The following SDK1 variants were observed in gnomAD, a reference collection of about 807,000 sequenced individuals.
SDK1 encodes the protein protein sidekick-1.
A neutral mutation model predicts 245.5 loss-of-function variants in SDK1; 157 were observed. The ratio of observed to expected loss-of-function variants is 0.64; its 90% CI spans 0.56 to 0.73. SDK1 has a LOEUF of 0.73. SDK1 is among the 30% of genes least tolerant of loss of function. The pLI, the probability that SDK1 is intolerant of heterozygous loss-of-function variation, is 0.00. For synonymous variants in SDK1, 1,647 were observed against 1,278.5 expected (o/e 1.29, Z -6.15); for missense variants, 3,583 against 3,002.3 (o/e 1.19, Z -4.52).
At chr7:4,125,964 T>C (rs1028776370) in intron 25 of SDK1, among the ~76,000 whole-genome samples, 10 of 152,150 alleles carry the variant, frequency 6.6e-5, no homozygotes, top group African/African-American at 2.4e-4. Flanking sequence ...TCCAGGCTAT[T>C]TCCCTGGGTA....
chr7:4,245,330 C>T (rs1007004611), intron 43 of SDK1, among the ~76,000 whole-genome samples: 1 of 152,174 alleles, frequency 6.6e-6, no homozygotes, highest in Non-Finnish European at 1.5e-5. Flanking sequence ...CACTCCCCTG[C>T]CTGCATCTGG....
At chr7:3,630,440 G>A (rs983338126) in intron 2 of SDK1, among the ~76,000 whole-genome samples, 2 of 152,188 alleles carry the variant, frequency 1.3e-5, no homozygotes, top group Non-Finnish European at 2.9e-5. Flanking sequence ...TTATATTTCT[G>A]TGTACTAGCA....
chr7:3,546,071 C>A (rs1208956487), intron 1 of SDK1, among the ~76,000 whole-genome samples: 1 of 152,168 alleles, frequency 6.6e-6, no homozygotes, highest in African/African-American at 2.4e-5. Flanking sequence ...CGTTGGGATG[C>A]AAAACAGTGG....
chr7:4,237,649 C>T lies in SDK1; in HGVS notation c.5995C>T (p.Gln1999Ter), dbSNP rs766487847. 1 of 1,614,134 alleles carries T rather than the reference C, an allele frequency of 6.2e-7. No individual in the cohort carries two copies. Among genetic ancestry groups the T allele is most frequent in the Non-Finnish European group, 8.5e-7 (1 of 1,180,024 alleles). The change falls in exon 42 of 45, where the codon CAA becomes TAA. Residue 1999 changes from glutamine to a stop codon, truncating the protein, a stop_gained and splice_region_variant. Transcript: ENST00000404826. LOFTEE classifies it high-confidence loss of function. ...PSNPSTAVSA[Q>*]VEAPFYEEWW... ...GTGTGTCCGTGTCTTTTCCACAGCT[C>T]AAGTGGAAGCCCCATTCTACGAGGA...
chr7:3,602,194 G>C (rs1210955744), intron 1 of SDK1, among the ~76,000 whole-genome samples: 1 of 151,840 alleles, frequency 6.6e-6, no homozygotes, highest in Non-Finnish European at 1.5e-5. Context: ...TATATACCCA[G>C]TAATGGGATG....
chr7:3,415,213 A>G (rs935593787), intron 1 of SDK1, among the ~76,000 whole-genome samples: 1 of 152,210 alleles, frequency 6.6e-6, no homozygotes, highest in Admixed American at 6.5e-5. Flanking sequence ...GATGGGCTAG[A>G]GGAAAAAGTG....
intron 16 of SDK1, among the ~76,000 whole-genome samples, chr7:4,016,150 G>A (rs963770806): frequency 6.6e-5 from 10 of 152,242 alleles, no homozygotes; most frequent in Non-Finnish European, 1.5e-5. Flanking sequence ...CACAGGTAAT[G>A]GACATGGAAT....
chr7:3,333,982 G>C (rs186844542), intron 1 of SDK1, among the ~76,000 whole-genome samples: 1 of 152,130 alleles, frequency 6.6e-6, no homozygotes, highest in African/African-American at 2.4e-5. Flanking sequence ...CACCTTGGCC[G>C]CTGTCCACAA....
intron 1 of SDK1, among the ~76,000 whole-genome samples, chr7:3,348,545 C>CT (rs371072815): frequency 3.9e-5 from 6 of 152,114 alleles, no homozygotes; most frequent in African/African-American, 1.4e-4. Flanking sequence ...CTTGAGACTA[C>CT]TAGAGCGGGA....
intron 41 of SDK1, among the ~76,000 whole-genome samples, chr7:4,233,972 C>T (rs1268840069): frequency 2.0e-5 from 3 of 152,212 alleles, no homozygotes; most frequent in East Asian, 3.9e-4. Context: ...GGTGTCCCCT[C>T]CGCAACAAAA....
intron 4 of SDK1, among the ~76,000 whole-genome samples, chr7:3,715,964 G>T (rs1277102085): frequency 6.6e-6 from 1 of 152,142 alleles, no homozygotes; most frequent in Non-Finnish European, 1.5e-5. Context: ...TTTAAAAAGT[G>T]AAAGTGAGTG....
chr7:4,128,664 G>A (rs1360818898), intron 26 of SDK1, among the ~76,000 whole-genome samples: 1 of 141,784 alleles, frequency 7.1e-6, no homozygotes, highest in Non-Finnish European at 1.5e-5. Context: ...CTTGGGGTGG[G>A]GTGCCCTGGA....
chr7:3,989,049 C>T (rs1784089470), intron 14 of SDK1, among the ~76,000 whole-genome samples: 1 of 152,248 alleles, frequency 6.6e-6, no homozygotes, highest in Non-Finnish European at 1.5e-5. Flanking sequence ...GCCACCGCGC[C>T]TGGCGTCCAG....
chr7:4,237,704 C>A lies in SDK1; in HGVS notation c.6050C>A (p.Ser2017Tyr). The A allele has an allele frequency of 6.2e-7, 1 of 1,614,122 alleles. No individual in the cohort carries two copies. Among genetic ancestry groups the A allele is most frequent in the Non-Finnish European group, 8.5e-7 (1 of 1,180,004 alleles). ...EWWFLLVMAL[S>Y]SLIVILLVVF... is the part of the protein sequence containing the mutation. ...TGGTTCCTCCTGGTGATGGCTCTGT[C>A]CAGCCTGATCGTCATCCTGCTGGTG... The change falls in exon 42 of 45, where the codon TCC becomes TAC. Residue 2017 changes from serine (S) to tyrosine (Y), a missense_variant. Ser to Tyr is a moderately radical substitution (Grantham distance 144). Coordinates refer to ENST00000404826, the MANE Select transcript of SDK1 (RefSeq NM_152744.4).
At chr7:3,659,441 C>T (rs1040293204) in intron 4 of SDK1, among the ~76,000 whole-genome samples, 30 of 152,140 alleles carry the variant, frequency 2.0e-4, no homozygotes, top group African/African-American at 7.2e-4. Context: ...AGGGAAGGAG[C>T]CAGCGACTTG....
intron 5 of SDK1, among the ~76,000 whole-genome samples, chr7:3,897,830 T>C (rs1469650697): frequency 6.6e-6 from 1 of 152,096 alleles, no homozygotes. Flanking sequence ...CAAATCCCCT[T>C]TCTTTCCATA....
At chr7:3,580,179 G>T (rs2128632245) in intron 1 of SDK1, among the ~76,000 whole-genome samples, 1 of 152,306 alleles carries the variant, frequency 6.6e-6, no homozygotes, top group South Asian at 2.1e-4. Flanking sequence ...CATAGTCATG[G>T]TTAGGAAGAA....
At chr7:3,679,376 C>G (rs1784025743) in intron 4 of SDK1, among the ~76,000 whole-genome samples, 1 of 152,084 alleles carries the variant, frequency 6.6e-6, no homozygotes, top group Non-Finnish European at 1.5e-5. Context: ...ACCATCCTGG[C>G]TAACATGGTG....
At chr7:3,384,551 C>G (rs879716303) in intron 1 of SDK1, among the ~76,000 whole-genome samples, 1 of 152,132 alleles carries the variant, frequency 6.6e-6, no homozygotes, top group Non-Finnish European at 1.5e-5. Flanking sequence ...CCAAGCTTGT[C>G]TGAAGACAGA....
Sources: allele counts gnomAD v4.1 joint callset (sites outside exome capture counted in the v4.1 genomes callset), GRCh38; gene constraint gnomAD v4.1.1; transcripts MANE v1.5; gene names NCBI Gene and HGNC (gene_info 2026-07-23, HGNC 2026-07-21).